ZNF443: variants seen among roughly 807,000 people sequenced by gnomAD.
ZNF443 encodes the protein Kruppel-type zinc finger (C2H2).
ZNF443 carries 3 observed loss-of-function variants against 12.0 expected under a neutral mutation model. The observed-to-expected ratio is 0.25, with a 90% confidence interval of 0.11 to 0.64. The LOEUF is 0.64. ZNF443 is among the 30% of genes least tolerant of loss of function. The pLI, the probability that ZNF443 is intolerant of heterozygous loss-of-function variation, is 0.84. For missense variants in ZNF443, 770 were observed against 808.8 expected (o/e 0.95, Z 0.58); for synonymous variants, 225 against 265.9 (o/e 0.85, Z 1.50).
intron 1 of ZNF443, among the ~76,000 whole-genome samples, chr19:12,439,620 G>A (rs1439006468): frequency 6.6e-6 from 1 of 152,060 alleles, no homozygotes; most frequent in Non-Finnish European, 1.5e-5. Flanking sequence ...AGGAGTAGCT[G>A]CGACTACAGG....
rs1235930130 is a variant in ZNF443 at position 12,438,509 on chromosome 19, C to T, written c.3+2403G>A. Among the ~76,000 whole-genome samples the T allele has an allele frequency of 2.0e-5, 3 of 152,206 alleles. No homozygotes were observed. The East Asian group carries it at 5.8e-4, about 29-fold the overall frequency. ...ACAGATTTCTCCATTGTCCCAAAAT[C>T]TCCACCCTTTTAAAAAGGAGAAGAA... On this transcript the variant is annotated intron_variant, in intron 1 of 3. Transcript: ENST00000301547.
rs1410240213 is a variant in ZNF443 at position 12,431,008 on chromosome 19, AGT to A, written c.1162_1163del (p.Thr388TrpfsTer6). ...SSLQSHERTHTGEKPYECKQC... is the reference protein window; with the variant it reads ...SSLQSHERTHXGEKPYECKQC... ...GCTTGCATTCATAGGGTTTCTCTCC[AGT>A]GTGAGTTCTTTCATGACTTTGCAGT... On this transcript the variant is annotated frameshift_variant, in exon 4 of 4. Transcript: ENST00000301547. LOFTEE classifies it low-confidence loss of function (END_TRUNC). 1.2e-6 allele frequency: 2 copies of A among 1,613,852 alleles called. No homozygotes were observed. Among genetic ancestry groups the A allele is most frequent in the African/African-American group, 2.7e-5 (2 of 74,934 alleles).
At position 12,431,576 on chromosome 19, in the gene ZNF443, C is replaced by T; in HGVS notation, c.596G>A (p.Cys199Tyr). 1 of 1,614,158 alleles carries T rather than the reference C, an allele frequency of 6.2e-7. No homozygotes were observed. Among genetic ancestry groups the T allele is most frequent in the East Asian group, 2.2e-5 (1 of 44,886 alleles). ...AAAAAACGCTTTCCCACACAACTTA[C>T]ATTTATAAGGTCCATCTCCACGCTG... ...AVQRGDGPYK[C>Y]KLCGKAFFWP... Residue 199 changes from cysteine to tyrosine, a missense_variant, in exon 4 of 4, where the codon TGT (cysteine) becomes TAT (tyrosine). Physicochemically the swap from Cys to Tyr is radical, Grantham distance 194. Transcript: ENST00000301547.
chr19:12,435,566 T>C (rs937954385), intron 1 of ZNF443, among the ~76,000 whole-genome samples: 1 of 152,086 alleles, frequency 6.6e-6, no homozygotes. Flanking sequence ...AGAAAAACAT[T>C]CATTTTCGCT....
chr19:12,430,400 G>A lies in ZNF443; in HGVS notation c.1772C>T (p.Pro591Leu), dbSNP rs7256321. The A allele has an allele frequency of 3.7e-6, 6 of 1,613,088 alleles. No individual in the cohort carries two copies. The highest frequency in any genetic ancestry group is 4.2e-6 in the Non-Finnish European group (5 of 1,179,764). The change falls in exon 4 of 4, where the codon CCA becomes CTA. Residue 591 changes from proline (P) to leucine (L), a missense_variant. Physicochemically the swap from Pro to Leu is moderately conservative, Grantham distance 98. This residue lies in a region of ZNF443 where 736 missense variants were observed against 689.4 expected (regional missense o/e 1.07). Transcript: ENST00000301547. Reference sequence around the variant, plus strand: ...ATGAGTGAAGGCTTTACCACATTGTGGACATTCATAGGATTTCTCTCTCAT... The same window carrying A: ...ATGAGTGAAGGCTTTACCACATTGTAGACATTCATAGGATTTCTCTCTCAT... ...IHMREKSYEC[P>L]QCGKAFTHSR...
At position 12,431,882 on chromosome 19, in the gene ZNF443, A is replaced by G. The variant is rs1599620610; in HGVS notation, c.290T>C (p.Leu97Pro). The change falls in exon 4 of 4, where the codon CTT becomes CCT. Residue 97 changes from leucine (L) to proline (P), a missense_variant. Leu to Pro is a moderately conservative substitution (Grantham distance 98, BLOSUM62 -3). Around this residue, in one of 3 missense-constraint regions of ZNF443, gnomAD observed 736 missense variants for 689.4 expected, o/e 1.07. Coordinates refer to ENST00000301547, the MANE Select transcript of ZNF443 (RefSeq NM_005815.5). ...IQDSIVTKNT[L>P]PGVGPCESSM... ...GCTTTCACAAGGACCTACTCCAGGAAGAGTGTTCTTGGTCACAATACTATC... is the reference window on the plus strand; with the variant it reads ...GCTTTCACAAGGACCTACTCCAGGAGGAGTGTTCTTGGTCACAATACTATC... 4.3e-6 allele frequency: 7 copies of G among 1,614,094 alleles called. No individual in the cohort carries two copies. The highest frequency in any genetic ancestry group is 5.9e-6 in the Non-Finnish European group (7 of 1,179,992).
In ZNF443 at chr19:12,440,923, T is replaced by A. The variant is rs372160906; in HGVS notation, c.-9A>T. 61 of 1,613,948 alleles carry A rather than the reference T, an allele frequency of 3.8e-5. No individual in the cohort carries two copies. In the African/African-American group the frequency reaches 6.5e-4, roughly 17 times the overall value. The stretch of plus-strand genomic sequence containing the variant: ...CCCAGCACACGCACCATTTCCCGAC[T>A]TCCGCGGTGTCCCAGGTCCTACCGA... On this transcript the variant is annotated 5_prime_UTR_variant, in exon 1 of 4. The change creates a new upstream start codon in the 5' untranslated region. Coordinates refer to ENST00000301547, the MANE Select transcript of ZNF443 (RefSeq NM_005815.5).
chr19:12,430,581 G>A lies in ZNF443; in HGVS notation c.1591C>T (p.Pro531Ser), dbSNP rs373998457. ...TTCCTACATGTTTTACACTCATAAG[G>A]TTTCTCTCCTGTGTGAGTCCTTTTA... ...RHKRTHTGEK[P>S]YECKTCRKAF... Residue 531 changes from proline (P) to serine (S), a missense_variant, in exon 4 of 4, where the codon CCT becomes TCT. Physicochemically the swap from Pro to Ser is moderately conservative, Grantham distance 74. Around this residue, in one of 3 missense-constraint regions of ZNF443, gnomAD observed 736 missense variants for 689.4 expected, o/e 1.07. Coordinates refer to ENST00000301547, the MANE Select transcript of ZNF443 (RefSeq NM_005815.5). 2 of 1,613,656 alleles carry A rather than the reference G, an allele frequency of 1.2e-6. No homozygotes were observed. Among genetic ancestry groups the A allele is most frequent in the African/African-American group, 1.3e-5 (1 of 74,900 alleles).
rs745339009 is a variant in ZNF443, at chr19:12,431,322, T to C, written c.850A>G (p.Lys284Glu). Residue 284 changes from lysine to glutamate, a missense_variant, in exon 4 of 4, where the codon AAG becomes GAG. Around this residue, in one of 3 missense-constraint regions of ZNF443, gnomAD observed 736 missense variants for 689.4 expected, o/e 1.07. Transcript: ENST00000301547. ...THTGEKPYKC[K>E]QCSKAFPDSS... is the part of the protein sequence containing the mutation. ...TCAGGGAAGGCTTTAGAACACTGCT[T>C]ACATTTATATGGTTTCTCCCCAGTA... 5.6e-6 allele frequency: 9 copies of C among 1,614,170 alleles called. No individual in the cohort carries two copies. The highest frequency in any genetic ancestry group is 7.6e-6 in the Non-Finnish European group (9 of 1,179,994).
At chr19:12,435,616 C>G (rs1403660216) in intron 1 of ZNF443, among the ~76,000 whole-genome samples, 2 of 152,076 alleles carry the variant, frequency 1.3e-5, no homozygotes, top group Non-Finnish European at 2.9e-5. Flanking sequence ...GAACATAAAG[C>G]ATAAGTAGAG....
At position 12,440,004 on chromosome 19, in the gene ZNF443, C is replaced by G. The variant is rs1240254040; in HGVS notation, c.3+908G>C. ...GAGAACACAGTGGTGGATTTGAGAC[C>G]CTGCTGCCCACGTCTTTGGAAGACT... On this transcript the variant is annotated intron_variant, in intron 1 of 3. Coordinates refer to ENST00000301547, the MANE Select transcript of ZNF443 (RefSeq NM_005815.5). Among the ~76,000 whole-genome samples, 12 of 151,410 alleles carry G rather than the reference C, an allele frequency of 7.9e-5. 1 individual carries two copies. The South Asian group carries it at 2.5e-3, about 32-fold the overall frequency.
Position 12,431,043 on chromosome 19 carries a change from G to T in ZNF443, c.1129C>A (p.Pro377Thr). Reference protein sequence around the residue: ...CKICGKGFDCPSSLQSHERTH... With the variant: ...CKICGKGFDCTSSLQSHERTH... ...CTTTCATGACTTTGCAGTGAACTAG[G>T]ACAATCAAAGCCTTTCCCACATATC... The change falls in exon 4 of 4, where the codon CCT (proline) becomes ACT (threonine). Residue 377 changes from proline to threonine, a missense_variant. Around this residue, in one of 3 missense-constraint regions of ZNF443, gnomAD observed 736 missense variants for 689.4 expected, o/e 1.07. Coordinates refer to ENST00000301547, the MANE Select transcript of ZNF443 (RefSeq NM_005815.5). 6.2e-7 allele frequency: 1 copy of T among 1,613,138 alleles called. No homozygotes were observed.
At position 12,440,918 on chromosome 19, in the gene ZNF443, C is replaced by G; in HGVS notation, c.-4G>C. On this transcript the variant is annotated 5_prime_UTR_variant, in exon 1 of 4. Coordinates refer to ENST00000301547, the MANE Select transcript of ZNF443 (RefSeq NM_005815.5). ...GCCGGCCCAGCACACGCACCATTTCCCGACTTCCGCGGTGTCCCAGGTCCT... is the reference window on the plus strand; with the variant it reads ...GCCGGCCCAGCACACGCACCATTTCGCGACTTCCGCGGTGTCCCAGGTCCT... 6.2e-7 allele frequency: 1 copy of G among 1,614,138 alleles called. No homozygotes were observed. The highest frequency in any genetic ancestry group is 2.2e-5 in the East Asian group (1 of 44,884).
intron 1 of ZNF443, among the ~76,000 whole-genome samples, chr19:12,436,543 T>A: frequency 6.6e-6 from 1 of 151,094 alleles, no homozygotes; most frequent in East Asian, 1.9e-4. Flanking sequence ...ACAACTAAAA[T>A]GAAGACATCT....
intron 1 of ZNF443, among the ~76,000 whole-genome samples, chr19:12,434,507 T>G (rs576295004): frequency 6.6e-6 from 1 of 152,202 alleles, no homozygotes; most frequent in Non-Finnish European, 1.5e-5. Context: ...TCATCTCTCA[T>G]GAATATTTAT....
At chr19:12,439,991 G>C (rs1452117107) in intron 1 of ZNF443, among the ~76,000 whole-genome samples, 1 of 151,614 alleles carries the variant, frequency 6.6e-6, no homozygotes, top group Non-Finnish European at 1.5e-5. Flanking sequence ...GAACACAGTG[G>C]TGGATTTGAG....
intron 1 of ZNF443, 114 bp downstream of exon 1, chr19:12,440,798 G>T (rs1007305039): frequency 6.4e-7 from 1 of 1,564,880 alleles, no homozygotes; most frequent in African/African-American, 1.3e-5. Flanking sequence ...AGGGGGACCC[G>T]GGTCCGTAGA....
At chr19:12,437,314 G>C (rs1395749862) in intron 1 of ZNF443, among the ~76,000 whole-genome samples, 1 of 151,664 alleles carries the variant, frequency 6.6e-6, no homozygotes. Context: ...AAAGCAAGTA[G>C]GGAGGATCTC....
chr19:12,437,700 A>AT (rs778018767), intron 1 of ZNF443, among the ~76,000 whole-genome samples: 64 of 152,050 alleles, frequency 4.2e-4, no homozygotes, highest in Non-Finnish European at 3.5e-4. Context: ...CAAGAAAACT[A>AT]TTTTTTTTAT....
Sources: allele counts gnomAD v4.1 joint callset (sites outside exome capture counted in the v4.1 genomes callset), GRCh38; gene constraint gnomAD v4.1.1; regional missense constraint gnomAD v4.1.1; transcripts MANE v1.5; gene names NCBI Gene and HGNC (gene_info 2026-07-23, HGNC 2026-07-21).